PPP4R2: variants seen among roughly 807,000 people sequenced by gnomAD.
The protein encoded by PPP4R2 is protein phosphatase 4 regulatory subunit 2, also known as serine/threonine-protein phosphatase 4 regulatory subunit 2.
A neutral mutation model predicts 47.2 loss-of-function variants in PPP4R2; 13 were observed. The ratio of observed to expected loss-of-function variants is 0.28; its 90% CI spans 0.18 to 0.44. The LOEUF (loss-of-function observed/expected upper bound fraction) is 0.44, where lower values mean the gene tolerates loss of function less well. PPP4R2 is among the 20% of genes least tolerant of loss of function. The pLI, the probability that PPP4R2 is intolerant of heterozygous loss-of-function variation, is 1.00. For synonymous variants in PPP4R2, 151 were observed against 163.3 expected, an observed-to-expected ratio of 0.92 and a Z score of 0.57; for missense variants, 421 against 491.2, an observed-to-expected ratio of 0.86 and a Z score of 1.35.
intron 7 of PPP4R2, 131 bp downstream of exon 7, chr3:73,064,277 C>T: frequency 1.4e-6 from 1 of 737,104 alleles, no homozygotes; most frequent in Non-Finnish European, 2.1e-6. Context: ...TATAGGAGCA[C>T]TGGCTTCTCT....
intron 4 of PPP4R2, among the ~76,000 whole-genome samples, chr3:73,060,593 TGAG>T (rs1702833807): frequency 5.3e-5 from 8 of 151,438 alleles, no homozygotes; most frequent in South Asian, 2.1e-4. Flanking sequence ...AAAAAAGGTT[TGAG>T]TCTCTTTCTG....
intron 5 of PPP4R2, chr3:73,063,072 A>G: frequency 1.5e-6 from 1 of 656,068 alleles, no homozygotes; most frequent in South Asian, 2.2e-5. Flanking sequence ...TTGGGGGTGT[A>G]CTTTGCCACC....
At chr3:73,001,677 A>C (rs532208342) in intron 2 of PPP4R2, among the ~76,000 whole-genome samples, 3 of 152,104 alleles carry the variant, frequency 2.0e-5, no homozygotes, top group Admixed American at 2.0e-4. Flanking sequence ...GTCTCGCCCT[A>C]TGCCACACTG....
At chr3:73,015,601 G>A (rs1267516959) in intron 2 of PPP4R2, among the ~76,000 whole-genome samples, 2 of 149,678 alleles carry the variant, frequency 1.3e-5, no homozygotes, top group African/African-American at 2.5e-5. Context: ...TCAGCCTCTC[G>A]ATTAGCTGGC....
chr3:72,997,800 A>G (rs1011310395), intron 1 of PPP4R2, among the ~76,000 whole-genome samples: 1 of 152,152 alleles, frequency 6.6e-6, no homozygotes, highest in Non-Finnish European at 1.5e-5. Context: ...GCTTAATATA[A>G]TGCTGGTGTT....
rs184531679 is a variant in PPP4R2 at position 73,057,860 on chromosome 3, G to A, written c.288-1177G>A. ...CTCACTAACTACTATACCTTGTGGT[G>A]GAAGAAAATTCTGTATCACACTGCC... On this transcript the variant is annotated intron_variant, in intron 3 of 8. Coordinates refer to ENST00000356692, the MANE Select transcript of PPP4R2 (RefSeq NM_174907.4). Among the ~76,000 whole-genome samples the A allele has an allele frequency of 8.1e-3, 1,237 of 152,130 alleles. 20 individuals are homozygous for A. The highest frequency in any genetic ancestry group is 0.027 in the African/African-American group (1,139 of 41,540).
intron 2 of PPP4R2, among the ~76,000 whole-genome samples, chr3:73,003,082 T>C (rs1165087082): frequency 6.6e-6 from 1 of 151,960 alleles, no homozygotes; most frequent in Non-Finnish European, 1.5e-5. Flanking sequence ...ATAATGCGAA[T>C]ATTACTGCCA....
intron 2 of PPP4R2, among the ~76,000 whole-genome samples, chr3:73,038,587 G>C (rs911951542): frequency 3.3e-5 from 5 of 152,024 alleles, no homozygotes; most frequent in Non-Finnish European, 5.9e-5. Context: ...GTAGAGACAG[G>C]GTTTCACCAT....
chr3:73,016,958 C>G (rs2107240650), intron 2 of PPP4R2, among the ~76,000 whole-genome samples: 1 of 151,770 alleles, frequency 6.6e-6, no homozygotes, highest in East Asian at 1.9e-4. Context: ...ACCCGAGTAG[C>G]TGGGATTACA....
At position 73,065,113 on chromosome 3, in the gene PPP4R2, TGAA is replaced by T. The variant is rs1366197239; in HGVS notation, c.906_908del (p.Glu303del). 1.2e-5 allele frequency: 20 copies of T among 1,610,456 alleles called. No individual in the cohort carries two copies. The highest frequency in any genetic ancestry group is 1.7e-5 in the Admixed American group (1 of 59,612). ...CCCGGCAGCACTGTACAGAAGAGGA[TGAA>T]GAAGAGGATGAAGAGGAAGAAGAAG... On this transcript the variant is annotated inframe_deletion, in exon 8 of 9. Coordinates refer to ENST00000356692, the MANE Select transcript of PPP4R2 (RefSeq NM_174907.4).
At chr3:73,026,531 T>C (rs1237227929) in intron 2 of PPP4R2, among the ~76,000 whole-genome samples, 2 of 152,208 alleles carry the variant, frequency 1.3e-5, no homozygotes, top group African/African-American at 2.4e-5. Context: ...CTAAATTCTT[T>C]ATATATCTTT....
At chr3:73,062,167 T>C in intron 5 of PPP4R2, 1 of 1,552,360 alleles carries the variant, frequency 6.4e-7, no homozygotes, top group Non-Finnish European at 8.7e-7. Flanking sequence ...AAAAGATCTT[T>C]TAGACCTATG....
chr3:73,020,136 A>G (rs1178363685), intron 2 of PPP4R2, among the ~76,000 whole-genome samples: 1 of 152,160 alleles, frequency 6.6e-6, no homozygotes, highest in African/African-American at 2.4e-5. Context: ...CTGGCAGTCT[A>G]AGATAAGTGT....
chr3:72,997,717 G>A (rs1010067479), intron 1 of PPP4R2, among the ~76,000 whole-genome samples: 2 of 152,160 alleles, frequency 1.3e-5, no homozygotes, highest in African/African-American at 4.8e-5. Flanking sequence ...TCTTAGAAAG[G>A]CAGATTTATG....
intron 3 of PPP4R2, among the ~76,000 whole-genome samples, chr3:73,047,957 G>T (rs1296520522): frequency 1.3e-5 from 2 of 152,166 alleles, no homozygotes. Flanking sequence ...GCTCGCTGCA[G>T]TCTCTGTCTC....
At chr3:73,044,269 C>T (rs1000253956) in intron 2 of PPP4R2, among the ~76,000 whole-genome samples, 19 of 152,096 alleles carry the variant, frequency 1.2e-4, no homozygotes, top group African/African-American at 4.3e-4. Context: ...CTGCTTTCCA[C>T]AGTGACTGCA....
intron 2 of PPP4R2, among the ~76,000 whole-genome samples, chr3:73,032,479 G>A (rs1702184840): frequency 6.6e-6 from 1 of 151,918 alleles, no homozygotes; most frequent in Admixed American, 6.6e-5. Context: ...AGTAGAGGCG[G>A]GGTTTTACCA....
In PPP4R2 at chr3:73,065,748, A is replaced by G. The variant is rs1272031898; in HGVS notation, c.*26A>G. On this transcript the variant is annotated 3_prime_UTR_variant, in exon 9 of 9. Coordinates refer to ENST00000356692, the MANE Select transcript of PPP4R2 (RefSeq NM_174907.4). ...CTATTTAGAAACATTTAGATGCAGT[A>G]TTTTACATACAGTTCTGGTTTTAAC... The G allele has an allele frequency of 6.7e-7, 1 of 1,494,732 alleles. No individual in the cohort carries two copies. The highest frequency in any genetic ancestry group is 1.2e-5 in the South Asian group (1 of 80,284). The allele number at this position is 1,494,732 out of a possible 1,614,324, so 92.6% of individuals were successfully genotyped here. A position where few individuals can be genotyped will look rare whatever the true frequency, so the allele number is the denominator to read the frequency against.
chr3:73,062,188 A>G (rs1702874546), intron 5 of PPP4R2: 1 of 1,564,968 alleles, frequency 6.4e-7, no homozygotes, highest in South Asian at 1.2e-5. Flanking sequence ...ATTCTTAACA[A>G]AATTAAAGAA....
Sources: allele counts gnomAD v4.1 joint callset (sites outside exome capture counted in the v4.1 genomes callset), GRCh38; gene constraint gnomAD v4.1.1; transcripts MANE v1.5; gene names NCBI Gene and HGNC (gene_info 2026-07-23, HGNC 2026-07-21).